Variants in ATP13A4 observed in about 807,000 individuals in gnomAD.
The protein encoded by ATP13A4 is probable cation-transporting ATPase 13A4.
Under a neutral mutation model 142.5 loss-of-function variants are expected in ATP13A4, and 114 were observed. The ratio of observed to expected loss-of-function variants is 0.80; its 90% CI spans 0.69 to 0.93. The LOEUF is 0.93. Among genes scored for constraint, ATP13A4 ranks in the 40% least tolerant of loss-of-function variants. ATP13A4 has a pLI of 0.00. For missense variants in ATP13A4, 1,392 were observed against 1,454.0 expected, an observed-to-expected ratio of 0.96 and a Z score of 0.69; for synonymous variants, 488 against 514.8, an observed-to-expected ratio of 0.95 and a Z score of 0.70.
In ATP13A4 at chr3:193,462,747, G is replaced by A. The variant is rs369089683; in HGVS notation, c.1523+15C>T. The A allele has an allele frequency of 2.4e-5, 39 of 1,610,598 alleles. No individual in the cohort carries two copies. Among genetic ancestry groups the A allele is most frequent in the Non-Finnish European group, 3.0e-5 (35 of 1,176,838 alleles). On this transcript the variant is annotated intron_variant, in intron 13 of 29. Coordinates refer to ENST00000342695, the MANE Select transcript of ATP13A4 (RefSeq NM_032279.4). ...ACACTAGAATGCATTTAGTCCAAGA[G>A]TCCAAGGTACTCACCCATTCCTATC...
At chr3:193,489,921 C>G in intron 6 of ATP13A4, 57 bp from the exon 7 acceptor site, 1 of 1,535,010 alleles carries the variant, frequency 6.5e-7, no homozygotes, top group South Asian at 1.1e-5. Context: ...TCACTCTGCT[C>G]TTCATTTACT....
At chr3:193,416,343 G>A (rs1470864015) in intron 25 of ATP13A4, among the ~76,000 whole-genome samples, 3 of 152,072 alleles carry the variant, frequency 2.0e-5, no homozygotes, top group African/African-American at 7.2e-5. Context: ...TTGTCCCTGA[G>A]GAAGCACAGA....
chr3:193,451,472 G>C (rs895626053), intron 17 of ATP13A4, among the ~76,000 whole-genome samples: 1 of 152,156 alleles, frequency 6.6e-6, no homozygotes, highest in Non-Finnish European at 1.5e-5. Flanking sequence ...TCTTTGGCTG[G>C]TAAACAAGTT....
chr3:193,591,284 C>T (rs768561162), intron 1 of ATP13A4, among the ~76,000 whole-genome samples: 3 of 152,332 alleles, frequency 2.0e-5, no homozygotes, highest in Non-Finnish European at 2.9e-5. Context: ...CTGCCTTCCT[C>T]GGCCTCCCAA....
Position 193,414,722 on chromosome 3 carries a change from C to G in ATP13A4, c.2871G>C (p.Leu957=). ...GCCGTCCTGCAGGTCTGAAAGGCAC[C>G]AGCTTAGGGTAGGCACCATTCAGAT... The part of the protein sequence containing the change: ...TMNLNGAYPK[L]VPFRPAGRLI... The change falls in exon 26 of 30, where the codon CTG becomes CTC. Residue 957 remains leucine (L), a synonymous_variant. Transcript: ENST00000342695. The G allele has an allele frequency of 6.2e-7, 1 of 1,614,062 alleles. No individual in the cohort carries two copies. Among genetic ancestry groups the G allele is most frequent in the South Asian group, 1.1e-5 (1 of 91,060 alleles).
chr3:193,464,158 T>C (rs763064156), intron 12 of ATP13A4, among the ~76,000 whole-genome samples: 2 of 152,218 alleles, frequency 1.3e-5, no homozygotes, highest in Non-Finnish European at 2.9e-5. Context: ...CTCCACTGCT[T>C]AAAATATATG....
At chr3:193,558,815 G>A (rs1030206162), upstream of ATP13A4, among the ~76,000 whole-genome samples, 21 of 152,250 alleles carry the variant, frequency 1.4e-4, 1 homozygote, top group Middle Eastern at 3.4e-3. Context: ...AAGTACCTTC[G>A]TTCATTCTCT....
At chr3:193,502,967 C>A (rs1407083780) in intron 2 of ATP13A4, among the ~76,000 whole-genome samples, 1 of 151,918 alleles carries the variant, frequency 6.6e-6, no homozygotes, top group Non-Finnish European at 1.5e-5. Flanking sequence ...CCATCCCCAT[C>A]TTTCAAGGCT....
At chr3:193,523,913 G>A (rs1721863592) in intron 1 of ATP13A4, among the ~76,000 whole-genome samples, 1 of 152,012 alleles carries the variant, frequency 6.6e-6, no homozygotes, top group Admixed American at 6.6e-5. Flanking sequence ...TCCCACAAGA[G>A]CGGTTGTTAA....
chr3:193,572,243 G>C (rs994036153), intron 2 of ATP13A4, among the ~76,000 whole-genome samples: 1 of 152,100 alleles, frequency 6.6e-6, no homozygotes, highest in Admixed American at 6.5e-5. Context: ...ATAAGACCCT[G>C]TCTAAAAAAA....
At chr3:193,558,117 T>G (rs1385299746), upstream of ATP13A4, among the ~76,000 whole-genome samples, 1 of 152,242 alleles carries the variant, frequency 6.6e-6, no homozygotes, top group African/African-American at 2.4e-5. Flanking sequence ...CTACTGTTCC[T>G]GATCAGCCTG....
chr3:193,457,312 A>T, intron 15 of ATP13A4, 67 bp downstream of exon 15: 1 of 1,593,250 alleles, frequency 6.3e-7, no homozygotes, highest in Non-Finnish European at 8.6e-7. Context: ...ACCTTTCAAA[A>T]ACTGGGGGCC....
rs545375860 is a variant in ATP13A4 at position 193,496,538 on chromosome 3, C to A, written c.382-3378G>T. Among the ~76,000 whole-genome samples the A allele has an allele frequency of 2.3e-3, 348 of 152,214 alleles. 1 individual carries two copies. Among genetic ancestry groups the A allele is most frequent in the Non-Finnish European group, 4.1e-3 (281 of 68,004 alleles). On this transcript the variant is annotated intron_variant, in intron 3 of 29. Coordinates refer to ENST00000342695, the MANE Select transcript of ATP13A4 (RefSeq NM_032279.4). ...AGGCATAGTGGCTCATGCCTGTAATCCCAGCACTTTGGGACACTGAGACAG... is the reference window on the plus strand; with the variant it reads ...AGGCATAGTGGCTCATGCCTGTAATACCAGCACTTTGGGACACTGAGACAG...
chr3:193,543,167 C>CAA lies in ATP13A4; in HGVS notation c.60+11571_60+11572dup, dbSNP rs566660322. Among the ~76,000 whole-genome samples the CAA allele has an allele frequency of 6.9e-5, 8 of 115,242 alleles. No individual in the cohort carries two copies. The South Asian group carries it at 1.4e-3, about 20-fold the overall frequency. 75.6% of individuals were successfully genotyped at this position (115,242 alleles called of 152,430 possible). A position where few individuals can be genotyped will look rare whatever the true frequency, so the allele number is the denominator to read the frequency against. On this transcript the variant is annotated intron_variant, in intron 1 of 29. Transcript: ENST00000342695. ...TGGGCAACAGAGCAAGACTCCATCT[C>CAA]AAAAAAAAAAAAGCCTAGAAGAAAA...
chr3:193,507,579 CTA>C (rs1313755901), intron 2 of ATP13A4, among the ~76,000 whole-genome samples: 3 of 152,082 alleles, frequency 2.0e-5, no homozygotes, highest in Non-Finnish European at 4.4e-5. Context: ...AAAGCAAAGG[CTA>C]TGTTTATGTT....
At chr3:193,480,507 G>T (rs1157975384) in intron 8 of ATP13A4, among the ~76,000 whole-genome samples, 1 of 152,116 alleles carries the variant, frequency 6.6e-6, no homozygotes, top group Non-Finnish European at 1.5e-5. Context: ...TATAAAGATG[G>T]CCAAGAAACA....
At chr3:193,577,414 C>G (rs1328870254) in intron 2 of ATP13A4, among the ~76,000 whole-genome samples, 2 of 152,196 alleles carry the variant, frequency 1.3e-5, no homozygotes, top group Non-Finnish European at 2.9e-5. Flanking sequence ...TTCACCTTCT[C>G]TTTATCTAAA....
chr3:193,427,659 T>C (rs1715738971), intron 25 of ATP13A4, among the ~76,000 whole-genome samples: 1 of 152,154 alleles, frequency 6.6e-6, no homozygotes, highest in African/African-American at 2.4e-5. Context: ...ATCTGATCTT[T>C]GACAAACCTG....
Position 193,440,559 on chromosome 3 carries a change from C to T in ATP13A4, c.2518G>A (p.Asp840Asn). 2 of 1,613,966 alleles carry T rather than the reference C, an allele frequency of 1.2e-6. No individual in the cohort carries two copies. Among genetic ancestry groups the T allele is most frequent in the Non-Finnish European group, 1.7e-6 (2 of 1,179,848 alleles). ...CACCTGCACTGGCAAAGAACCTACT[C>T]CAGTTTCTGAAATTCTTCCACCAGA... ...SSLVEEFQKL[D>N]YFVGMCGDGA... is the part of the protein sequence containing the mutation. The change falls in exon 21 of 30, where the codon GAT becomes AAT. Residue 840 changes from aspartate (D) to asparagine (N), a missense_variant and splice_region_variant. Coordinates refer to ENST00000342695, the MANE Select transcript of ATP13A4 (RefSeq NM_032279.4).
Sources: allele counts gnomAD v4.1 joint callset (sites outside exome capture counted in the v4.1 genomes callset), GRCh38; gene constraint gnomAD v4.1.1; transcripts MANE v1.5; gene names NCBI Gene and HGNC (gene_info 2026-07-23, HGNC 2026-07-21).